Variants in GNA12 observed in about 807,000 individuals in gnomAD.
GNA12 encodes G protein subunit alpha 12.
GNA12 carries 9 observed loss-of-function variants against 26.0 expected under a neutral mutation model. The ratio of observed to expected loss-of-function variants is 0.35; its 90% confidence interval spans 0.21 to 0.60. The LOEUF (loss-of-function observed/expected upper bound fraction) is 0.60. GNA12 is among the 20% of genes least tolerant of loss of function. GNA12 has a pLI of 0.78. For synonymous variants in GNA12, 264 were observed against 219.6 expected, an observed-to-expected ratio of 1.20 and a Z score of -1.79; for missense variants, 405 against 525.8, an observed-to-expected ratio of 0.77 and a Z score of 2.25.
At chr7:2,816,205 C>A (rs1793214434) in intron 1 of GNA12, among the ~76,000 whole-genome samples, 1 of 151,708 alleles carries the variant, frequency 6.6e-6, no homozygotes, top group African/African-American at 2.4e-5. Flanking sequence ...CACGCACCCC[C>A]ATGGACAGCA....
intron 2 of GNA12, among the ~76,000 whole-genome samples, chr7:2,780,160 TGCG>T: frequency 6.7e-6 from 1 of 149,026 alleles, no homozygotes; most frequent in South Asian, 2.1e-4. Flanking sequence ...TTTCACTTGA[TGCG>T]TCAGGGACTT....
intron 2 of GNA12, among the ~76,000 whole-genome samples, chr7:2,748,890 G>C (rs1259437402): frequency 2.6e-5 from 4 of 152,196 alleles, no homozygotes; most frequent in Non-Finnish European, 5.9e-5. Flanking sequence ...CATTTATGCA[G>C]CCAAAAGACA....
chr7:2,764,485 AGAC>A (rs1363611892), intron 2 of GNA12: 1 of 152,186 alleles, frequency 6.6e-6, no homozygotes, highest in Non-Finnish European at 1.5e-5. Context: ...GAATCCTCTG[AGAC>A]GCCCCAGTTG....
chr7:2,738,258 T>C (rs1271008578), intron 2 of GNA12, among the ~76,000 whole-genome samples: 2 of 146,884 alleles, frequency 1.4e-5, no homozygotes. Flanking sequence ...GTACTAAAAA[T>C]ACAAAAACAG....
At chr7:2,841,250 C>T (rs752838961) in intron 1 of GNA12, among the ~76,000 whole-genome samples, 4 of 152,176 alleles carry the variant, frequency 2.6e-5, no homozygotes, top group Non-Finnish European at 4.4e-5. Flanking sequence ...CTCCCGGGTT[C>T]ACCCCATTCT....
intron 2 of GNA12, among the ~76,000 whole-genome samples, chr7:2,763,943 C>G (rs1416038789): frequency 2.6e-5 from 4 of 152,186 alleles, no homozygotes; most frequent in East Asian, 1.9e-4. Context: ...CAATTATGCA[C>G]CCTTCTTTCC....
chr7:2,740,974 G>A (rs968093941), intron 2 of GNA12, among the ~76,000 whole-genome samples: 5 of 152,226 alleles, frequency 3.3e-5, no homozygotes, highest in Admixed American at 6.5e-5. Flanking sequence ...GAACCCGGGA[G>A]GCAGAGCTTG....
At chr7:2,784,318 C>T (rs570857271) in intron 2 of GNA12, among the ~76,000 whole-genome samples, 1 of 152,214 alleles carries the variant, frequency 6.6e-6, no homozygotes, top group South Asian at 2.1e-4. Flanking sequence ...AGGGGTTTTG[C>T]CCCGTTGCCC....
At position 2,765,892 on chromosome 7, in the gene GNA12, C is replaced by G. The variant is rs185462443; in HGVS notation, c.525+29036G>C. 5.3e-3 allele frequency among the ~76,000 whole-genome samples: 809 copies of G among 151,546 alleles called. 8 individuals are homozygous for G. Among genetic ancestry groups the G allele is most frequent in the African/African-American group, 0.018 (763 of 41,294 alleles). ...GATCCAGGGCCCCCCTCCCCTCCCCCCAAGTTTCCAAAGTGCTGGGATTAC... is the reference window on the plus strand; with the variant it reads ...GATCCAGGGCCCCCCTCCCCTCCCCGCAAGTTTCCAAAGTGCTGGGATTAC... On this transcript the variant is annotated intron_variant, in intron 2 of 3. Transcript: ENST00000275364.
intron 1 of GNA12, among the ~76,000 whole-genome samples, chr7:2,823,979 A>G (rs1793424758): frequency 6.6e-6 from 1 of 152,234 alleles, no homozygotes; most frequent in African/African-American, 2.4e-5. Context: ...TGCCACCACC[A>G]TTCTTTTTGC....
At chr7:2,743,569 G>T (rs1419679598) in intron 2 of GNA12, among the ~76,000 whole-genome samples, 1 of 152,182 alleles carries the variant, frequency 6.6e-6, no homozygotes, top group Non-Finnish European at 1.5e-5. Context: ...ATCCAAGATG[G>T]CCGAATAGGA....
At chr7:2,768,695 A>AAAAAAAAAAAAAAAAAAG in intron 2 of GNA12, among the ~76,000 whole-genome samples, 1 of 145,194 alleles carries the variant, frequency 6.9e-6, no homozygotes, top group Non-Finnish European at 1.5e-5. Flanking sequence ...AACAAAAAAA[A>AAAAAAAAAAAAAAAAAAG]AAACAGTAAA....
In GNA12 at chr7:2,839,219, G is replaced by C. The variant is rs140769408; in HGVS notation, c.309+4634C>G. 3.8e-3 allele frequency among the ~76,000 whole-genome samples: 581 copies of C among 151,528 alleles called. 3 individuals are homozygous for C. Among genetic ancestry groups the C allele is most frequent in the Admixed American group, 5.7e-3 (86 of 15,126 alleles). ...GGAGTCGAACCAGAAATCAACAAAA[G>C]AGAGACAACAGGAAAATCTTTTCTT... On this transcript the variant is annotated intron_variant, in intron 1 of 3. Transcript: ENST00000275364.
At chr7:2,796,643 A>G (rs1008814602) in intron 1 of GNA12, among the ~76,000 whole-genome samples, 1 of 152,210 alleles carries the variant, frequency 6.6e-6, no homozygotes, top group African/African-American at 2.4e-5. Context: ...CCAGGGGATC[A>G]TGTTCTAGAT....
At chr7:2,843,829 T>C in intron 1 of GNA12, 24 bp downstream of exon 1, 1 of 1,374,654 alleles carries the variant, frequency 7.3e-7, no homozygotes, top group East Asian at 3.1e-5. Context: ...TGGGTGCAGG[T>C]GCTGGGCGGG....
intron 1 of GNA12, among the ~76,000 whole-genome samples, chr7:2,806,276 C>A (rs1487609954): frequency 1.3e-5 from 2 of 151,870 alleles, no homozygotes; most frequent in Admixed American, 1.3e-4. Flanking sequence ...GTCAGGAGTT[C>A]GAGACCAGCC....
intron 1 of GNA12, 39 bp downstream of exon 1, chr7:2,843,814 C>A (rs1302085280): frequency 3.4e-5 from 43 of 1,247,418 alleles, no homozygotes; most frequent in Non-Finnish European, 2.1e-6. Context: ...GCGCCCCGGC[C>A]CACCTGGGTG....
intron 1 of GNA12, among the ~76,000 whole-genome samples, chr7:2,843,278 G>C (rs1030300167): frequency 8.5e-5 from 13 of 152,104 alleles, no homozygotes; most frequent in African/African-American, 2.9e-4. Flanking sequence ...GGGGCTAAGT[G>C]CCAAGCCCCC....
chr7:2,842,761 A>C (rs1306979151), intron 1 of GNA12, among the ~76,000 whole-genome samples: 2 of 152,172 alleles, frequency 1.3e-5, no homozygotes, highest in Non-Finnish European at 2.9e-5. Context: ...GCTATTACTA[A>C]TGTTTAGGTT....
Sources: gnomAD v4.1 joint callset for allele counts (sites outside exome capture counted in the v4.1 genomes callset) on GRCh38, gnomAD v4.1.1 for gene constraint, MANE v1.5 for transcripts, NCBI Gene and HGNC (gene_info 2026-07-23, HGNC 2026-07-21) for gene names.